The following KLHL29 variants were observed in gnomAD, a reference collection of about 807,000 sequenced individuals.
KLHL29 encodes kelch like family member 29, also known as kelch-like protein 29.
A neutral mutation model predicts 80.4 loss-of-function variants in KLHL29; 21 were observed. The ratio of observed to expected loss-of-function variants is 0.26; its 90% confidence interval spans 0.19 to 0.38. The LOEUF (loss-of-function observed/expected upper bound fraction) is 0.38. KLHL29 is among the 10% of genes least tolerant of loss of function. The pLI, the probability that KLHL29 is intolerant of heterozygous loss-of-function variation, is 1.00. For synonymous variants in KLHL29, 511 were observed against 526.8 expected (o/e 0.97, Z 0.41); for missense variants, 867 against 1,223.9 (o/e 0.71, Z 4.35).
intron 2 of KLHL29, among the ~76,000 whole-genome samples, chr2:23,519,206 C>A (rs1436550293): frequency 6.6e-6 from 1 of 152,194 alleles, no homozygotes; most frequent in Non-Finnish European, 1.5e-5. Flanking sequence ...CACTGACCCT[C>A]CGCTAGTCAG....
intron 4 of KLHL29, among the ~76,000 whole-genome samples, chr2:23,639,918 C>G (rs1446884943): frequency 6.6e-6 from 1 of 152,186 alleles, no homozygotes; most frequent in South Asian, 2.1e-4. Context: ...CCATAGATTC[C>G]AGGCCCTTTG....
chr2:23,556,961 C>G (rs1360457133), intron 2 of KLHL29, among the ~76,000 whole-genome samples: 2 of 152,244 alleles, frequency 1.3e-5, no homozygotes, highest in African/African-American at 4.8e-5. Context: ...GTCCTAGTGT[C>G]TTTGTAAACG....
intron 3 of KLHL29, among the ~76,000 whole-genome samples, chr2:23,581,244 A>G (rs1018423288): frequency 2.6e-5 from 4 of 152,158 alleles, no homozygotes; most frequent in African/African-American, 9.7e-5. Flanking sequence ...CTCCATGTAT[A>G]TGATTGGTCC....
In KLHL29 at chr2:23,696,497, G is replaced by A. The variant is rs1279460322; in HGVS notation, c.2089G>A (p.Val697Met). 1.2e-5 allele frequency: 19 copies of A among 1,531,478 alleles called. No individual in the cohort carries two copies. Among genetic ancestry groups the A allele is most frequent in the African/African-American group, 2.7e-5 (2 of 72,846 alleles). 94.9% of individuals were successfully genotyped at this position (1,531,478 alleles called of 1,614,324 possible). ...TLGGLGVAGN[V>M]DHVERYDTIT... ...CGGGGGACTTGGCGTGGCAGGCAAC[G>A]TGGACCACGTGGAGAGGTAATGAGG... The change falls in exon 11 of 14, where the codon GTG becomes ATG. Residue 697 changes from valine to methionine, a missense_variant. Coordinates refer to ENST00000486442, the MANE Select transcript of KLHL29 (RefSeq NM_052920.2). This position sits in a 1 kb window ranked among gnomAD's most constrained non-coding sequence, Gnocchi z 5.5.
At chr2:23,631,957 C>T (rs192147448) in intron 3 of KLHL29, among the ~76,000 whole-genome samples, 53 of 152,284 alleles carry the variant, frequency 3.5e-4, no homozygotes, top group Non-Finnish European at 1.8e-4. Context: ...TTTCATTGAT[C>T]CCCAGAGTGA....
intron 3 of KLHL29, among the ~76,000 whole-genome samples, chr2:23,570,368 G>A (rs978450300): frequency 6.6e-6 from 1 of 152,208 alleles, no homozygotes; most frequent in Non-Finnish European, 1.5e-5. Context: ...AATAGCAGAA[G>A]GCCAGTTGTC....
rs1671104416 is a variant in KLHL29, at chr2:23,682,188, G to C, written c.941-2211G>C. On this transcript the variant is annotated intron_variant, in intron 5 of 13. Coordinates refer to ENST00000486442, the MANE Select transcript of KLHL29 (RefSeq NM_052920.2). The surrounding 1 kb of genome is among the most constrained non-coding windows in gnomAD (Gnocchi z 4.1). ...TGTTTCTCTGTCCTGCTGTTGCTGTGTAATTCCGGCCTTCTCACCTCTCCC... is the reference window on the plus strand; with the variant it reads ...TGTTTCTCTGTCCTGCTGTTGCTGTCTAATTCCGGCCTTCTCACCTCTCCC... Among the ~76,000 whole-genome samples, 1 of 152,166 alleles carries C rather than the reference G, an allele frequency of 6.6e-6. No homozygotes were observed. The highest frequency in any genetic ancestry group is 2.1e-4 in the South Asian group (1 of 4,824).
At chr2:23,609,662 A>T (rs1668809618) in intron 3 of KLHL29, among the ~76,000 whole-genome samples, 1 of 152,184 alleles carries the variant, frequency 6.6e-6, no homozygotes, top group South Asian at 2.1e-4. Flanking sequence ...TCAGACATGC[A>T]TGACAGATGA....
intron 5 of KLHL29, among the ~76,000 whole-genome samples, chr2:23,650,789 C>T (rs1670068432): frequency 6.6e-6 from 1 of 152,186 alleles, no homozygotes; most frequent in Non-Finnish European, 1.5e-5. Flanking sequence ...CATCTGGCAT[C>T]TGCTGTTTGT....
chr2:23,406,919 TCAC>T (rs1169261238), intron 1 of KLHL29, among the ~76,000 whole-genome samples: 3 of 152,234 alleles, frequency 2.0e-5, no homozygotes, highest in African/African-American at 7.2e-5. Flanking sequence ...GCAAATTTCA[TCAC>T]CCAGAGATAA....
chr2:23,527,672 C>T (rs1207876272), intron 2 of KLHL29, among the ~76,000 whole-genome samples: 1 of 152,194 alleles, frequency 6.6e-6, no homozygotes. Context: ...TTCCAAAACA[C>T]GCAGCCCACG....
chr2:23,532,535 C>T (rs1302624546), intron 2 of KLHL29: 2 of 456,318 alleles, frequency 4.4e-6, no homozygotes, highest in Non-Finnish European at 8.8e-6. Context: ...TAGACTTTTT[C>T]TTGCTCCTAT....
intron 3 of KLHL29, 109 bp from the exon 4 acceptor site, chr2:23,639,030 C>A: frequency 8.9e-7 from 1 of 1,129,140 alleles, no homozygotes; most frequent in Non-Finnish European, 1.2e-6. Flanking sequence ...GTGGGCGAAG[C>A]TTAGGCAACT....
At chr2:23,664,618 G>C (rs1018267164) in intron 5 of KLHL29, among the ~76,000 whole-genome samples, 1 of 152,186 alleles carries the variant, frequency 6.6e-6, no homozygotes, top group Non-Finnish European at 1.5e-5. Flanking sequence ...TCAGTTTGAT[G>C]AGTCCAGTTG....
In KLHL29 at chr2:23,695,841, G is replaced by A. The variant is rs536873311; in HGVS notation, c.1741+20G>A. 2.5e-5 allele frequency: 38 copies of A among 1,542,154 alleles called. No individual in the cohort carries two copies. In the Admixed American group the frequency reaches 3.8e-4, roughly 15 times the overall value. On this transcript the variant is annotated intron_variant, in intron 9 of 13. Transcript: ENST00000486442. This position sits in a 1 kb window ranked among gnomAD's most constrained non-coding sequence, Gnocchi z 7.6. ...CTGCAGGTATGAAGGGGCACGCCCC[G>A]AACCTCCCAAGAAGCAGTGTCTTGG...
chr2:23,400,798 C>A (rs144971315), intron 1 of KLHL29, among the ~76,000 whole-genome samples: 1 of 152,168 alleles, frequency 6.6e-6, no homozygotes, highest in African/African-American at 2.4e-5. Context: ...TGCACCACTG[C>A]GCTCCAGCCT....
At position 23,637,137 on chromosome 2, in the gene KLHL29, A is replaced by T. The variant is rs551061015; in HGVS notation, c.286-2002A>T. On this transcript the variant is annotated intron_variant, in intron 3 of 13. Transcript: ENST00000486442. ...CCGGTCAGGAGGCTGGGATCTTAGC[A>T]TTCACACTTTGCTCCCAGGCCCAGT... 1.4e-4 allele frequency among the ~76,000 whole-genome samples: 21 copies of T among 152,252 alleles called. No homozygotes were observed. The South Asian group carries it at 3.7e-3, about 27-fold the overall frequency.
chr2:23,505,323 T>A (rs569571933), intron 2 of KLHL29, among the ~76,000 whole-genome samples: 24 of 152,290 alleles, frequency 1.6e-4, no homozygotes, highest in Non-Finnish European at 2.9e-4. Context: ...CCGACCTCCG[T>A]GGAGGTGTTC....
At chr2:23,429,772 GAAAA>G (rs933667134) in intron 1 of KLHL29, among the ~76,000 whole-genome samples, 1 of 148,012 alleles carries the variant, frequency 6.8e-6, no homozygotes, top group Admixed American at 6.7e-5. Flanking sequence ...AAAGAAAAAA[GAAAA>G]AAAAAATTTG....
Sources: allele counts gnomAD v4.1 joint callset (sites outside exome capture counted in the v4.1 genomes callset), GRCh38; gene constraint gnomAD v4.1.1; non-coding constraint Gnocchi (gnomAD v3.1); transcripts MANE v1.5; gene names NCBI Gene and HGNC (gene_info 2026-07-23, HGNC 2026-07-21).